SLC39A11: variants seen among roughly 807,000 people sequenced by gnomAD.
SLC39A11 encodes zinc transporter ZIP11.
In SLC39A11, 33 loss-of-function variants were observed where a neutral mutation model predicts 36.1. The observed-to-expected ratio is 0.91, with a 90% CI of 0.69 to 1.22. The LOEUF (loss-of-function observed/expected upper bound fraction) is 1.22, where lower values mean the gene tolerates loss of function less well. Among genes scored for constraint, SLC39A11 ranks in the 50% most tolerant of loss-of-function variants. The pLI, the probability that SLC39A11 is intolerant of heterozygous loss-of-function variation, is 0.00. For missense variants in SLC39A11, 432 were observed against 430.3 expected (o/e 1.00, Z -0.03); for synonymous variants, 166 against 170.3 (o/e 0.97, Z 0.20).
intron 6 of SLC39A11, among the ~76,000 whole-genome samples, chr17:72,804,743 G>A (rs543513453): frequency 2.6e-5 from 4 of 152,182 alleles, no homozygotes; most frequent in East Asian, 3.9e-4. Flanking sequence ...ATAATCTCCC[G>A]GCCACGCAGT....
intron 5 of SLC39A11, among the ~76,000 whole-genome samples, chr17:72,861,690 A>ATATATATAT (rs2080028657): frequency 2.6e-5 from 2 of 75,686 alleles, no homozygotes; most frequent in South Asian, 8.4e-4. Context: ...TATATATATA[A>ATATATATAT]AATATATATA....
chr17:73,020,227 C>T (rs542677552), intron 4 of SLC39A11, among the ~76,000 whole-genome samples: 10 of 152,232 alleles, frequency 6.6e-5, no homozygotes, highest in African/African-American at 1.9e-4. Context: ...GAGCACTAGC[C>T]CCAGTGGGAT....
chr17:72,710,262 CT>C (rs1426765839), intron 7 of SLC39A11, among the ~76,000 whole-genome samples: 1 of 152,196 alleles, frequency 6.6e-6, no homozygotes, highest in Non-Finnish European at 1.5e-5. Context: ...ATCCACCCAC[CT>C]TTGTTTTCAC....
intron 7 of SLC39A11, among the ~76,000 whole-genome samples, chr17:72,685,256 C>T (rs954768993): frequency 1.3e-5 from 1 of 74,592 alleles, no homozygotes; most frequent in African/African-American, 8.5e-5. Flanking sequence ...AGGAGGCCAC[C>T]TTTGGGAGCT....
intron 4 of SLC39A11, among the ~76,000 whole-genome samples, chr17:73,019,182 A>T (rs571387423): frequency 6.6e-6 from 1 of 152,230 alleles, no homozygotes; most frequent in Non-Finnish European, 1.5e-5. Context: ...ATGAATATTA[A>T]AAGTAGTTCT....
chr17:72,736,400 C>T lies in SLC39A11; in HGVS notation c.671+250G>A, dbSNP rs553624024. 2.6e-4 allele frequency among the ~76,000 whole-genome samples: 39 copies of T among 152,264 alleles called. 1 individual carries two copies. The South Asian group carries it at 6.6e-3, about 26-fold the overall frequency. On this transcript the variant is annotated intron_variant, in intron 7 of 9. Transcript: ENST00000255559. ...TTTGAAGTGCTTAGAGTACAGCTTG[C>T]GATTCTATCCATGCTTTGTTTCCAA...
At position 73,084,849 on chromosome 17, in the gene SLC39A11, G is replaced by GA. The variant is rs759156771; in HGVS notation, c.109-4dup. 1.2e-5 allele frequency: 19 copies of GA among 1,614,042 alleles called. No homozygotes were observed. In the South Asian group the frequency reaches 2.1e-4, roughly 18 times the overall value. On this transcript the variant is annotated splice_polypyrimidine_tract_variant and splice_region_variant and intron_variant, in intron 2 of 9. Coordinates refer to ENST00000255559, the MANE Select transcript of SLC39A11 (RefSeq NM_139177.4). ...AGACTTCCATCTAAGATCCGCCTCTGAAAATCAAAACAAGATGTTTCAGTT... is the reference window on the plus strand; with the variant it reads ...AGACTTCCATCTAAGATCCGCCTCTGAAAAATCAAAACAAGATGTTTCAGTT...
intron 6 of SLC39A11, among the ~76,000 whole-genome samples, chr17:72,787,807 C>T (rs887480680): frequency 6.6e-6 from 1 of 152,160 alleles, no homozygotes; most frequent in Non-Finnish European, 1.5e-5. Flanking sequence ...CATTCTGATA[C>T]ATTCTGTTTC....
At chr17:72,695,579 G>A (rs1472864808) in intron 7 of SLC39A11, among the ~76,000 whole-genome samples, 4 of 152,162 alleles carry the variant, frequency 2.6e-5, no homozygotes, top group African/African-American at 9.7e-5. Context: ...CCAAAAGATA[G>A]CCATGTCCTA....
intron 6 of SLC39A11, among the ~76,000 whole-genome samples, chr17:72,796,854 G>T (rs1424220649): frequency 1.3e-5 from 2 of 152,148 alleles, no homozygotes; most frequent in Non-Finnish European, 2.9e-5. Context: ...GCAAGAAGAT[G>T]TGACAACCCA....
chr17:73,023,372 G>A (rs1354659037), intron 4 of SLC39A11, among the ~76,000 whole-genome samples: 1 of 152,240 alleles, frequency 6.6e-6, no homozygotes, highest in Non-Finnish European at 1.5e-5. Flanking sequence ...AGATGGGCCA[G>A]GTGCCATGGT....
At chr17:72,696,627 T>G (rs2144509558) in intron 7 of SLC39A11, among the ~76,000 whole-genome samples, 1 of 152,240 alleles carries the variant, frequency 6.6e-6, no homozygotes, top group African/African-American at 2.4e-5. Context: ...GCCCCCTATC[T>G]CTCTGATTTC....
chr17:72,656,004 T>C (rs926123512), intron 7 of SLC39A11, among the ~76,000 whole-genome samples: 21 of 152,042 alleles, frequency 1.4e-4, no homozygotes, highest in Non-Finnish European at 2.9e-4. Context: ...AGCCCTGCTG[T>C]GCATTCCTGC....
chr17:72,697,449 T>C (rs1235277650), intron 7 of SLC39A11, among the ~76,000 whole-genome samples: 1 of 152,190 alleles, frequency 6.6e-6, no homozygotes, highest in African/African-American at 2.4e-5. Context: ...ATCTTCAATT[T>C]GCTCCCAGTA....
intron 6 of SLC39A11, chr17:72,823,851 A>C (rs1026241899): frequency 5.9e-5 from 9 of 151,322 alleles, no homozygotes; most frequent in African/African-American, 1.5e-4. Context: ...GCTTTGAAAA[A>C]TACAGTGCTG....
intron 5 of SLC39A11, among the ~76,000 whole-genome samples, chr17:72,871,298 G>A (rs2080612590): frequency 6.6e-6 from 1 of 152,006 alleles, no homozygotes; most frequent in African/African-American, 2.4e-5. Flanking sequence ...CTGAGCTCAG[G>A]CAATCCACCC....
chr17:72,999,537 G>A (rs1461349019), intron 4 of SLC39A11, among the ~76,000 whole-genome samples: 1 of 152,154 alleles, frequency 6.6e-6, no homozygotes, highest in Non-Finnish European at 1.5e-5. Context: ...GGTTTATTGA[G>A]CCTTATATTT....
chr17:72,837,480 G>A (rs2078612133), intron 6 of SLC39A11, among the ~76,000 whole-genome samples: 2 of 151,836 alleles, frequency 1.3e-5, no homozygotes, highest in Admixed American at 1.3e-4. Flanking sequence ...GAATGGGAAG[G>A]AACTTAACAA....
intron 5 of SLC39A11, among the ~76,000 whole-genome samples, chr17:72,896,445 G>T (rs2082034725): frequency 1.3e-5 from 2 of 151,714 alleles, no homozygotes; most frequent in African/African-American, 4.8e-5. Context: ...CAAGTGATCT[G>T]CCCGCCTCAG....
Sources: gnomAD v4.1 joint callset for allele counts (sites outside exome capture counted in the v4.1 genomes callset) on GRCh38, gnomAD v4.1.1 for gene constraint, MANE v1.5 for transcripts, NCBI Gene and HGNC (gene_info 2026-07-23, HGNC 2026-07-21) for gene names.